TTC17: variants seen among roughly 807,000 people sequenced by gnomAD.
TTC17 encodes tetratricopeptide repeat protein 17.
TTC17 carries 58 observed loss-of-function variants against 143.8 expected under a neutral mutation model. The ratio of observed to expected loss-of-function variants is 0.40; its 90% CI spans 0.33 to 0.50. TTC17 has a LOEUF of 0.50. Ranked by LOEUF, TTC17 falls within the 20% of genes least tolerant of loss-of-function variation. The pLI, the probability that TTC17 is intolerant of heterozygous loss-of-function variation, is 0.49. For synonymous variants in TTC17, 501 were observed against 497.8 expected, an observed-to-expected ratio of 1.01 and a Z score of -0.09; for missense variants, 1,273 against 1,392.5, an observed-to-expected ratio of 0.91 and a Z score of 1.37.
intron 16 of TTC17, among the ~76,000 whole-genome samples, chr11:43,434,289 TCA>T (rs1947234709): frequency 6.6e-6 from 1 of 151,606 alleles, no homozygotes; most frequent in Admixed American, 6.6e-5. Context: ...CACACCACAT[TCA>T]GTCTTTTACA....
At chr11:43,434,290 C>T (rs1947234625) in intron 16 of TTC17, among the ~76,000 whole-genome samples, 1 of 151,856 alleles carries the variant, frequency 6.6e-6, no homozygotes, top group Admixed American at 6.6e-5. Flanking sequence ...ACACCACATT[C>T]AGTCTTTTAC....
At chr11:43,439,691 G>A (rs1195487290) in intron 16 of TTC17, among the ~76,000 whole-genome samples, 3 of 151,886 alleles carry the variant, frequency 2.0e-5, no homozygotes, top group Non-Finnish European at 4.4e-5. Context: ...GGCTGGTCTC[G>A]AACTCCTGAC....
intron 1 of TTC17, 120 bp from the exon 2 acceptor site, chr11:43,379,113 T>C: frequency 1.1e-6 from 1 of 919,546 alleles, no homozygotes; most frequent in Non-Finnish European, 1.7e-6. Context: ...TGAGTTTTGC[T>C]GAGGAATAAC....
chr11:43,397,282 TTGAA>T lies in TTC17; in HGVS notation c.774-62_774-59del, dbSNP rs1167956457. On this transcript the variant is annotated intron_variant, in intron 6 of 23. Coordinates refer to ENST00000039989, the MANE Select transcript of TTC17 (RefSeq NM_018259.6). ...CTTAGTTTCCTAAGCACAAGTAACT[TTGAA>T]TGTCATTTTTCCTTGTCAAGTGGTT... 7.1e-6 allele frequency: 11 copies of T among 1,539,526 alleles called. No homozygotes were observed. In the African/African-American group the frequency reaches 9.5e-5, roughly 13 times the overall value.
chr11:43,443,435 T>C lies in TTC17; in HGVS notation c.2362T>C (p.Leu788=), dbSNP rs1947467663. ...LVDEFQQAWP[L]EGFGGALEMK... ...GGATGAATTTCAACAGGCATGGCCT[T>C]TGGAAGGCTTTGGGGGTGCACTAGA... is the stretch of plus-strand genomic sequence containing the variant. Residue 788 remains leucine, a synonymous_variant, in exon 17 of 24, where the codon TTG becomes CTG. Transcript: ENST00000039989. 23 of 1,613,986 alleles carry C rather than the reference T, an allele frequency of 1.4e-5. No individual in the cohort carries two copies. The highest frequency in any genetic ancestry group is 1.9e-5 in the Non-Finnish European group (22 of 1,180,006).
At chr11:43,401,377 A>C in intron 9 of TTC17, 69 bp from the exon 10 acceptor site, 1 of 1,064,894 alleles carries the variant, frequency 9.4e-7, no homozygotes, top group Non-Finnish European at 1.4e-6. Flanking sequence ...TAAATGACTT[A>C]GTCTAAGAAA....
At chr11:43,382,117 C>G (rs1218675426) in intron 2 of TTC17, among the ~76,000 whole-genome samples, 1 of 152,114 alleles carries the variant, frequency 6.6e-6, no homozygotes, top group Non-Finnish European at 1.5e-5. Flanking sequence ...ATATGAACAT[C>G]TTAGATAACA....
Position 43,493,895 on chromosome 11 carries a change from C to T in TTC17, c.3417C>T (p.Arg1139=), listed in dbSNP as rs773124611. Reference sequence around the variant, plus strand: ...ACTTAATGCTGAAGAAGGGACGGCGCTCTCCTTAGTGCACTTCTTCCTTCT... The same window carrying T: ...ACTTAATGCTGAAGAAGGGACGGCGTTCTCCTTAGTGCACTTCTTCCTTCT... ...QCHLMLKKGR[R]SP The change falls in exon 24 of 24, where the codon CGC becomes CGT. Residue 1139 remains arginine, a synonymous_variant. Transcript: ENST00000039989. The T allele has an allele frequency of 2.5e-6, 4 of 1,610,174 alleles. No homozygotes were observed. Among genetic ancestry groups the T allele is most frequent in the Admixed American group, 1.7e-5 (1 of 59,836 alleles).
chr11:43,386,230 C>T (rs1446435041), intron 2 of TTC17, among the ~76,000 whole-genome samples: 1 of 151,228 alleles, frequency 6.6e-6, no homozygotes, highest in Non-Finnish European at 1.5e-5. Flanking sequence ...AAACTTTTTA[C>T]TAAAAAAAAA....
intron 16 of TTC17, among the ~76,000 whole-genome samples, chr11:43,416,642 A>G (rs1946785839): frequency 6.6e-6 from 1 of 152,182 alleles, no homozygotes; most frequent in African/African-American, 2.4e-5. Flanking sequence ...CAATATAATA[A>G]CAATAAGAGA....
chr11:43,420,788 A>T (rs1946884704), intron 16 of TTC17, among the ~76,000 whole-genome samples: 1 of 152,148 alleles, frequency 6.6e-6, no homozygotes, highest in Non-Finnish European at 1.5e-5. Flanking sequence ...TGCCAAAAAA[A>T]ATGTTTTATT....
chr11:43,488,269 C>G (rs773242326), intron 21 of TTC17, among the ~76,000 whole-genome samples: 30 of 152,014 alleles, frequency 2.0e-4, no homozygotes, highest in Non-Finnish European at 3.7e-4. Flanking sequence ...ACTATACGCC[C>G]TGAAAATGTA....
intron 22 of TTC17, 28 bp from the exon 23 acceptor site, chr11:43,491,992 C>A (rs199553072): frequency 6.2e-7 from 1 of 1,609,860 alleles, no homozygotes; most frequent in Non-Finnish European, 8.5e-7. Context: ...CCAATTTTCC[C>A]TTCTCACCAT....
At chr11:43,446,601 A>G in intron 18 of TTC17, 2 of 902,146 alleles carry the variant, frequency 2.2e-6, no homozygotes, top group Non-Finnish European at 2.7e-6. Flanking sequence ...GTTAATTTGA[A>G]ACTCTTCCAA....
intron 16 of TTC17, among the ~76,000 whole-genome samples, chr11:43,440,935 A>T (rs1029580714): frequency 4.6e-5 from 7 of 151,848 alleles, no homozygotes; most frequent in Non-Finnish European, 1.0e-4. Context: ...ATGTGTGTAG[A>T]CAAATGAGTC....
rs1447859692 is a variant in TTC17, at chr11:43,398,118, T to C, written c.1058+5T>C. ...GAAATTGGAGGCTCAGCATAGGTAA[T>C]TGAGAGGAAAAATTTCACTCAAGCA... On this transcript the variant is annotated splice_donor_5th_base_variant and intron_variant, in intron 8 of 23. Transcript: ENST00000039989. 2 of 1,613,614 alleles carry C rather than the reference T, an allele frequency of 1.2e-6. No individual in the cohort carries two copies. Among genetic ancestry groups the C allele is most frequent in the African/African-American group, 1.3e-5 (1 of 74,886 alleles).
In TTC17 at chr11:43,444,050, TC is replaced by T. The variant is rs763568010; in HGVS notation, c.2512-3del. 1.1e-5 allele frequency: 17 copies of T among 1,595,292 alleles called. No homozygotes were observed. The South Asian group carries it at 2.0e-4, about 18-fold the overall frequency. On this transcript the variant is annotated splice_polypyrimidine_tract_variant and splice_region_variant and intron_variant, in intron 17 of 23. Transcript: ENST00000039989. The stretch of plus-strand genomic sequence containing the variant: ...CATTTGTCCCTAACATGTTTCTGTT[TC>T]CCAGATTACATTCCAGGTCAAACGT...
intron 21 of TTC17, among the ~76,000 whole-genome samples, chr11:43,478,368 T>G (rs1296896699): frequency 1.3e-5 from 2 of 152,210 alleles, no homozygotes; most frequent in African/African-American, 4.8e-5. Flanking sequence ...GAATACTTGA[T>G]GATATTAAAG....
intron 21 of TTC17, among the ~76,000 whole-genome samples, chr11:43,471,304 C>T (rs755201382): frequency 3.9e-5 from 6 of 152,184 alleles, no homozygotes; most frequent in Non-Finnish European, 8.8e-5. Context: ...GGTAGAGGCT[C>T]GTAGACATTA....
Sources: allele counts gnomAD v4.1 joint callset (sites outside exome capture counted in the v4.1 genomes callset), GRCh38; gene constraint gnomAD v4.1.1; transcripts MANE v1.5; gene names NCBI Gene and HGNC (gene_info 2026-07-23, HGNC 2026-07-21).